The following RUSC2 variants were observed in gnomAD, a reference collection of about 807,000 sequenced individuals.
RUSC2 encodes the protein RUN and SH3 domain containing 2, also known as AP-4 complex accessory subunit RUSC2.
A neutral mutation model predicts 122.2 loss-of-function variants in RUSC2; 34 were observed. That is an observed-to-expected ratio of 0.28 (90% confidence interval 0.21 to 0.37). The LOEUF (loss-of-function observed/expected upper bound fraction) is 0.37. RUSC2 is among the 10% of genes least tolerant of loss of function. The pLI is 1.00. For synonymous variants in RUSC2, 784 were observed against 790.0 expected, an observed-to-expected ratio of 0.99 and a Z score of 0.13; for missense variants, 1,747 against 1,952.4, an observed-to-expected ratio of 0.89 and a Z score of 1.98.
At chr9:35,492,628 T>C (rs538817552) in intron 1 of RUSC2, among the ~76,000 whole-genome samples, 1 of 152,080 alleles carries the variant, frequency 6.6e-6, no homozygotes, top group Admixed American at 6.6e-5. Flanking sequence ...AACAACAAAA[T>C]AACTCAGCAG....
intron 8 of RUSC2, 53 bp from the exon 9 acceptor site, chr9:35,559,173 T>C: frequency 6.9e-7 from 1 of 1,446,090 alleles, no homozygotes; most frequent in Non-Finnish European, 9.7e-7. Context: ...ATCTGTCTCC[T>C]TATCTGGCTG....
At chr9:35,526,558 G>T (rs1026206256) in intron 1 of RUSC2, among the ~76,000 whole-genome samples, 1 of 152,150 alleles carries the variant, frequency 6.6e-6, no homozygotes, top group Non-Finnish European at 1.5e-5. Context: ...ACTGGCCTAG[G>T]ATTACACAAC....
Position 35,560,548 on chromosome 9 carries a change from A to G in RUSC2, c.3908A>G (p.Lys1303Arg), listed in dbSNP as rs761728678. 7 of 1,613,850 alleles carry G rather than the reference A, an allele frequency of 4.3e-6. No homozygotes were observed. In the African/African-American group the frequency reaches 9.3e-5, roughly 22 times the overall value. The change falls in exon 10 of 12, where the codon AAG (lysine) becomes AGG (arginine). Residue 1303 changes from lysine (K) to arginine (R), a missense_variant. By Grantham distance (26) the Lys-to-Arg change is conservative. Coordinates refer to ENST00000361226, the MANE Select transcript of RUSC2 (RefSeq NM_014806.5). ...RGSSNSSSEKKKGAGGGGPPQ... is the reference protein window; with the variant it reads ...RGSSNSSSEKRKGAGGGGPPQ... ...AGCAGCAACAGCAGCAGCGAGAAAA[A>G]GAAAGGGGCAGGAGGTGGGGGACCT... is the stretch of plus-strand genomic sequence containing the variant.
In RUSC2 at chr9:35,561,383, G is replaced by T. The variant is rs746102568; in HGVS notation, c.*1G>T. The T allele has an allele frequency of 6.2e-7, 1 of 1,608,530 alleles. No individual in the cohort carries two copies. The highest frequency in any genetic ancestry group is 1.1e-5 in the South Asian group (1 of 90,280). On this transcript the variant is annotated 3_prime_UTR_variant, in exon 12 of 12. Coordinates refer to ENST00000361226, the MANE Select transcript of RUSC2 (RefSeq NM_014806.5). Reference sequence around the variant, plus strand: ...AACCCCTGGAAGCAGCCAAAACTGAGGCCCTGTGCATGCTGGTGGCCTCAG... The same window carrying T: ...AACCCCTGGAAGCAGCCAAAACTGATGCCCTGTGCATGCTGGTGGCCTCAG...
chr9:35,503,174 T>C (rs1342846861), intron 1 of RUSC2, among the ~76,000 whole-genome samples: 1 of 152,158 alleles, frequency 6.6e-6, no homozygotes, highest in Non-Finnish European at 1.5e-5. Context: ...ATAAGTTCTT[T>C]AGTGGTGACT....
intron 1 of RUSC2, among the ~76,000 whole-genome samples, chr9:35,518,099 T>A (rs147077104): frequency 4.5e-4 from 69 of 152,334 alleles, no homozygotes; most frequent in African/African-American, 1.6e-3. Context: ...CCTTTATCAC[T>A]AGTGATCAAA....
At chr9:35,551,067 T>C (rs1004841646) in intron 2 of RUSC2, among the ~76,000 whole-genome samples, 5 of 150,350 alleles carry the variant, frequency 3.3e-5, no homozygotes, top group Non-Finnish European at 7.4e-5. Context: ...AGAGTCCGTC[T>C]CAAAAAAAAA....
In RUSC2 at chr9:35,557,398, A is replaced by G. The variant is rs1174642589; in HGVS notation, c.2984-516A>G. ...TGAGATTGTTATGGATTTTGGAGGT[A>G]GAGGGAAGTTAAAGGAGTTTATAAC... On this transcript the variant is annotated intron_variant, in intron 5 of 11. Transcript: ENST00000361226. This position sits in a 1 kb window ranked among gnomAD's most constrained non-coding sequence, Gnocchi z 4.6. Among the ~76,000 whole-genome samples the G allele has an allele frequency of 6.6e-6, 1 of 152,128 alleles. No homozygotes were observed. The highest frequency in any genetic ancestry group is 1.5e-5 in the Non-Finnish European group (1 of 68,014).
At position 35,546,956 on chromosome 9, in the gene RUSC2, T is replaced by A. The variant is rs1200120971; in HGVS notation, c.435T>A (p.Ser145=). ...GCCAGCCCAACTTTCATCTATCCTC[T>A]TTCCAGCTGCCACCATCTGGCCCCA... is the stretch of plus-strand genomic sequence containing the variant. ...GTGQPNFHLS[S]FQLPPSGPRV... Residue 145 remains serine (S), a synonymous_variant, in exon 2 of 12, where the codon TCT becomes TCA. Transcript: ENST00000361226. This position sits in a 1 kb window ranked among gnomAD's most constrained non-coding sequence, Gnocchi z 4.3. The A allele has an allele frequency of 1.1e-5, 18 of 1,578,050 alleles. No individual in the cohort carries two copies. The highest frequency in any genetic ancestry group is 1.5e-5 in the Non-Finnish European group (17 of 1,161,068).
chr9:35,520,960 A>T (rs1821202008), intron 1 of RUSC2, among the ~76,000 whole-genome samples: 1 of 152,106 alleles, frequency 6.6e-6, no homozygotes, highest in African/African-American at 2.4e-5. Context: ...ATCTTTCCTT[A>T]TTCCCTATAG....
At position 35,548,166 on chromosome 9, in the gene RUSC2, A is replaced by G. The variant is rs1235957040; in HGVS notation, c.1645A>G (p.Lys549Glu). ...RRVTSFAELA[K>E]GRKKTGGSGS... ...GGTCACCTCCTTTGCCGAGCTGGCCAAGGGCCGGAAGAAAACTGGAGGCTC... is the reference window on the plus strand; with the variant it reads ...GGTCACCTCCTTTGCCGAGCTGGCCGAGGGCCGGAAGAAAACTGGAGGCTC... The change falls in exon 2 of 12, where the codon AAG becomes GAG. Residue 549 changes from lysine (K) to glutamate (E), a missense_variant. Coordinates refer to ENST00000361226, the MANE Select transcript of RUSC2 (RefSeq NM_014806.5). This position sits in a 1 kb window ranked among gnomAD's most constrained non-coding sequence, Gnocchi z 4.5. 5.0e-6 allele frequency: 8 copies of G among 1,613,324 alleles called. No individual in the cohort carries two copies. The highest frequency in any genetic ancestry group is 6.8e-6 in the Non-Finnish European group (8 of 1,180,006).
rs1821825657 is a variant in RUSC2, at chr9:35,548,664, T to C, written c.2014+129T>C. On this transcript the variant is annotated intron_variant, in intron 2 of 11. Transcript: ENST00000361226. This position sits in a 1 kb window ranked among gnomAD's most constrained non-coding sequence, Gnocchi z 4.5. ...GAGGTTCCACATCCTAGATCTGTTA[T>C]CCTTCTAGGCCAGGGCAGGACCCAC... 2 of 1,430,624 alleles carry C rather than the reference T, an allele frequency of 1.4e-6. No individual in the cohort carries two copies. Among genetic ancestry groups the C allele is most frequent in the Non-Finnish European group, 1.8e-6 (2 of 1,095,620 alleles). The allele number at this position is 1,430,624 out of a possible 1,614,324, so 88.6% of individuals were successfully genotyped here. A position where few individuals can be genotyped will look rare whatever the true frequency, so the allele number is the denominator to read the frequency against.
chr9:35,560,093 C>A lies in RUSC2; in HGVS notation c.3453C>A (p.Gly1151=), dbSNP rs763286750. ...FLSAAHTVCP[G]LFEELLLLLQ... is the part of the protein sequence containing the mutation. ...GTGCAGCTCATACCGTGTGTCCCGGCCTCTTTGAAGAGCTGCTGCTGCTGC... is the reference window on the plus strand; with the variant it reads ...GTGCAGCTCATACCGTGTGTCCCGGACTCTTTGAAGAGCTGCTGCTGCTGC... Residue 1151 remains glycine, a synonymous_variant, in exon 10 of 12, where the codon GGC becomes GGA. Coordinates refer to ENST00000361226, the MANE Select transcript of RUSC2 (RefSeq NM_014806.5). 1.2e-6 allele frequency: 2 copies of A among 1,613,786 alleles called. No individual in the cohort carries two copies. The highest frequency in any genetic ancestry group is 4.5e-5 in the East Asian group (2 of 44,888).
At position 35,555,215 on chromosome 9, in the gene RUSC2, G is replaced by T; in HGVS notation, c.2170G>T (p.Gly724Cys). 1 of 1,613,146 alleles carries T rather than the reference G, an allele frequency of 6.2e-7. No homozygotes were observed. The change falls in exon 3 of 12, where the codon GGC becomes TGC. Residue 724 changes from glycine (G) to cysteine (C), a missense_variant. Coordinates refer to ENST00000361226, the MANE Select transcript of RUSC2 (RefSeq NM_014806.5). The surrounding 1 kb of genome is among the most constrained non-coding windows in gnomAD (Gnocchi z 4.6). ...HSLSQLYSLS[G>C]CSRTQQPAPL... The stretch of plus-strand genomic sequence containing the variant: ...CCTTTCCCAGCTCTACAGCCTCTCA[G>T]GCTGCAGCCGTACACAGCAGCCTGC...
intron 1 of RUSC2, among the ~76,000 whole-genome samples, chr9:35,540,959 TA>T (rs34204613): frequency 6.6e-6 from 1 of 152,198 alleles, no homozygotes; most frequent in Non-Finnish European, 1.5e-5. Flanking sequence ...TATGCCTACT[TA>T]AAAATGTTAC....
chr9:35,494,935 TATATATA>T (rs1820648984), intron 1 of RUSC2, among the ~76,000 whole-genome samples: 1 of 128,722 alleles, frequency 7.8e-6, no homozygotes, highest in South Asian at 2.2e-4. Flanking sequence ...ATATAAAATT[TATATATA>T]ATATATATTA....
rs750768220 is a variant in RUSC2, at chr9:35,547,434, TCCTGCA to T, written c.914_919del (p.Ser305_Ser307delinsCys). 1.2e-5 allele frequency: 20 copies of T among 1,614,162 alleles called. No individual in the cohort carries two copies. The highest frequency in any genetic ancestry group is 1.7e-5 in the Non-Finnish European group (20 of 1,180,024). ...TGCCAATCTCAACTCTGCCCCACAG[TCCTGCA>T]GCGACTCTTCCTTCTGCAGCCACTC... On this transcript the variant is annotated inframe_deletion, in exon 2 of 12. Coordinates refer to ENST00000361226, the MANE Select transcript of RUSC2 (RefSeq NM_014806.5). This position sits in a 1 kb window ranked among gnomAD's most constrained non-coding sequence, Gnocchi z 4.6.
At chr9:35,526,024 A>T (rs934750842) in intron 1 of RUSC2, among the ~76,000 whole-genome samples, 7 of 152,212 alleles carry the variant, frequency 4.6e-5, no homozygotes, top group African/African-American at 1.7e-4. Flanking sequence ...GCATTTTAAC[A>T]GTGCTTTATA....
rs777262023 is a variant in RUSC2 at position 35,555,953 on chromosome 9, C to T, written c.2658C>T (p.Ala886=). ...EGSMATRPSN[A]NHLSPQALKW... The stretch of plus-strand genomic sequence containing the variant: ...TCTGCTAATCTGTTCTGCTTCCAGC[C>T]AACCACCTATCCCCTCAAGCCCTCA... Residue 886 remains alanine (A), a splice_region_variant and synonymous_variant, in exon 4 of 12, where the codon GCC becomes GCT. Transcript: ENST00000361226. The surrounding 1 kb of genome is among the most constrained non-coding windows in gnomAD (Gnocchi z 4.6). 9 of 1,613,700 alleles carry T rather than the reference C, an allele frequency of 5.6e-6. No homozygotes were observed. The East Asian group carries it at 1.3e-4, about 24-fold the overall frequency.
Sources: gnomAD v4.1 joint callset for allele counts (sites outside exome capture counted in the v4.1 genomes callset) on GRCh38, gnomAD v4.1.1 for gene constraint, Gnocchi (gnomAD v3.1) non-coding constraint, MANE v1.5 for transcripts, NCBI Gene and HGNC (gene_info 2026-07-23, HGNC 2026-07-21) for gene names.